KRTCAP3: variants seen among roughly 807,000 people sequenced by gnomAD.
The protein encoded by KRTCAP3 is keratinocyte-associated protein 3.
KRTCAP3 carries 18 observed loss-of-function variants against 20.5 expected under a neutral mutation model. The ratio of observed to expected loss-of-function variants is 0.88; its 90% confidence interval spans 0.61 to 1.31. KRTCAP3 has a LOEUF of 1.31. KRTCAP3 is among the 50% of genes most tolerant of loss of function. The pLI is 0.00. For missense variants in KRTCAP3, 347 were observed against 310.4 expected (o/e 1.12, Z -0.89); for synonymous variants, 167 against 133.7 (o/e 1.25, Z -1.72).
downstream of KRTCAP3, chr2:27,444,341 G>C: frequency 1.3e-6 from 1 of 789,122 alleles, no homozygotes; most frequent in Non-Finnish European, 2.1e-6. Context: ...GTGTGGTGTT[G>C]GGAATGACTT....
rs1450551924 is a variant in KRTCAP3, at chr2:27,442,429, T to A, written c.17T>A (p.Leu6His). The change falls in exon 1 of 7, where the codon CTC becomes CAC. Residue 6 changes from leucine to histidine, a missense_variant. Leu to His is a moderately conservative substitution (Grantham distance 99). Coordinates refer to ENST00000288873, the MANE Select transcript of KRTCAP3 (RefSeq NM_173853.4). Reference protein sequence around the residue: MRRCSLCAFDAARGPR... With the variant: MRRCSHCAFDAARGPR... Reference sequence around the variant, plus strand: ...GCGGACGGGATGAGGCGCTGCAGTCTCTGCGCTTTCGGTAACTTCCGGGCC... The same window carrying A: ...GCGGACGGGATGAGGCGCTGCAGTCACTGCGCTTTCGGTAACTTCCGGGCC... 1 of 1,569,132 alleles carries A rather than the reference T, an allele frequency of 6.4e-7. No homozygotes were observed. Among genetic ancestry groups the A allele is most frequent in the Admixed American group, 1.9e-5 (1 of 53,232 alleles).
At chr2:27,445,601 C>T (rs1572708816), downstream of KRTCAP3, 4 of 1,300,014 alleles carry the variant, frequency 3.1e-6, no homozygotes, top group East Asian at 9.7e-5. This position sits in a 1 kb window ranked among gnomAD's most constrained non-coding sequence, Gnocchi z 4.4. Context: ...CAGTCACAGC[C>T]TTTTCTTTCT....
downstream of KRTCAP3, chr2:27,444,579 G>C: frequency 1.5e-6 from 2 of 1,365,052 alleles, no homozygotes; most frequent in East Asian, 2.3e-5. Flanking sequence ...TACAAAATCA[G>C]CTCCATCGCA....
downstream of KRTCAP3, chr2:27,445,907 G>A (rs1341868137): frequency 1.9e-6 from 3 of 1,614,156 alleles, no homozygotes; most frequent in East Asian, 4.5e-5. The surrounding 1 kb of genome is among the most constrained non-coding windows in gnomAD (Gnocchi z 4.4). Flanking sequence ...CTCCACCCTC[G>A]GGGCACAGCT....
downstream of KRTCAP3, chr2:27,445,532 C>G: frequency 6.8e-7 from 1 of 1,468,062 alleles, no homozygotes; most frequent in Non-Finnish European, 9.2e-7. This position sits in a 1 kb window ranked among gnomAD's most constrained non-coding sequence, Gnocchi z 4.4. Context: ...AGGGGGTTTG[C>G]TAAGCCCTCA....
At position 27,442,727 on chromosome 2, in the gene KRTCAP3, C is replaced by T. The variant is rs768503534; in HGVS notation, c.177C>T (p.Thr59=). The change falls in exon 2 of 7, where the codon ACC becomes ACT. Residue 59 remains threonine (T), a synonymous_variant. Coordinates refer to ENST00000288873, the MANE Select transcript of KRTCAP3 (RefSeq NM_173853.4). ...NPRGAVTPEY[T]VANVISVGSG... ...GCGGCGCTGTCACGCCGGAGTACAC[C>T]GTAGCCAATGTCATCTCTGTCGGCT... 4 of 1,605,474 alleles carry T rather than the reference C, an allele frequency of 2.5e-6. No homozygotes were observed. The highest frequency in any genetic ancestry group is 3.4e-6 in the Non-Finnish European group (4 of 1,175,462).
chr2:27,444,412 C>T (rs746100848), downstream of KRTCAP3: 3 of 1,543,938 alleles, frequency 1.9e-6, no homozygotes, highest in African/African-American at 2.7e-5. Flanking sequence ...GAGGCCCTAA[C>T]TCTTCCTCAG....
downstream of KRTCAP3, chr2:27,446,119 A>G (rs1665069783): frequency 2.2e-6 from 3 of 1,380,526 alleles, no homozygotes; most frequent in South Asian, 2.4e-5. Flanking sequence ...AGGGAGAAAA[A>G]TCCAGGAAGA....
intron 1 of KRTCAP3, 25 bp from the exon 2 acceptor site, chr2:27,442,554 C>T (rs753436578): frequency 7.7e-5 from 118 of 1,529,814 alleles, no homozygotes; most frequent in Non-Finnish European, 9.7e-5. Context: ...CCCGACTCAA[C>T]CCTGCCCTCC....
In KRTCAP3 at chr2:27,442,878, A is replaced by G. The variant is rs755164432; in HGVS notation, c.250A>G (p.Arg84Gly). The G allele has an allele frequency of 3.7e-6, 6 of 1,612,994 alleles. No homozygotes were observed. Among genetic ancestry groups the G allele is most frequent in the South Asian group, 3.3e-5 (3 of 91,088 alleles). Residue 84 changes from arginine to glycine, a missense_variant, in exon 3 of 7, where the codon AGG becomes GGG. Transcript: ENST00000288873. ...GGGACTTGTGGCCCTCCTGGCGTCC[A>G]GGAACCTTCTTCGCCCTCCACTGGT... Reference protein sequence around the residue: ...SVGLVALLASRNLLRPPLHWV... With the variant: ...SVGLVALLASGNLLRPPLHWV...
downstream of KRTCAP3, chr2:27,444,960 TC>T (rs1412644625): frequency 2.5e-6 from 4 of 1,580,516 alleles, no homozygotes; most frequent in African/African-American, 2.7e-5. Flanking sequence ...TGTTTTTTTT[TC>T]TTTTTTTAGT....
At chr2:27,445,788 T>G, downstream of KRTCAP3, 4 of 1,614,144 alleles carry the variant, frequency 2.5e-6, no homozygotes, top group Non-Finnish European at 3.4e-6. This position sits in a 1 kb window ranked among gnomAD's most constrained non-coding sequence, Gnocchi z 4.4. Context: ...AAAGGGAATG[T>G]CTGTATCCTG....
Position 27,444,037 on chromosome 2 carries a change from C to T in KRTCAP3, c.704C>T (p.Ser235Leu). 1.2e-6 allele frequency: 2 copies of T among 1,612,984 alleles called. No homozygotes were observed. Among genetic ancestry groups the T allele is most frequent in the Non-Finnish European group, 1.7e-6 (2 of 1,178,926 alleles). ...GATCAAAATCAAGAAATCCGGGCATCACAGAGAAGTTGGGTTTAGGACAGG... is the reference window on the plus strand; with the variant it reads ...GATCAAAATCAAGAAATCCGGGCATTACAGAGAAGTTGGGTTTAGGACAGG... ...LLDQNQEIRA[S>L]QRSWV Residue 235 changes from serine to leucine, a missense_variant, in exon 6 of 7, where the codon TCA becomes TTA. By Grantham distance (145) the Ser-to-Leu change is moderately radical (BLOSUM62 -2). Transcript: ENST00000288873.
chr2:27,442,527 C>T (rs1641358290), intron 1 of KRTCAP3, 52 bp from the exon 2 acceptor site: 4 of 1,534,168 alleles, frequency 2.6e-6, no homozygotes, highest in South Asian at 1.2e-5. Flanking sequence ...CGCCGCGAGC[C>T]GCCTCTCCCC....
At chr2:27,443,030 T>C (rs1664714297) in intron 3 of KRTCAP3, 44 bp from the exon 4 acceptor site, 3 of 1,583,076 alleles carry the variant, frequency 1.9e-6, no homozygotes, top group Non-Finnish European at 2.6e-6. Flanking sequence ...CTGGGAGAGT[T>C]AGCCAGGCCC....
chr2:27,446,154 AC>A (rs1381137499), downstream of KRTCAP3: 5 of 1,327,878 alleles, frequency 3.8e-6, no homozygotes, highest in Non-Finnish European at 5.4e-6. Context: ...ATCCTCCGTA[AC>A]ATCAGCCCTA....
At position 27,443,866 on chromosome 2, in the gene KRTCAP3, G is replaced by T. The variant is rs531194333; in HGVS notation, c.616-83G>T. ...ACTCCAGCCTGGGCAACAGAGTGAG[G>T]CTCCGTCACAAAAAACAAAACAAAA... On this transcript the variant is annotated intron_variant, in intron 5 of 6. Transcript: ENST00000288873. The T allele has an allele frequency of 7.5e-5, 62 of 827,112 alleles. 1 individual carries two copies. The highest frequency in any genetic ancestry group is 1.2e-4 in the Non-Finnish European group (58 of 476,794). The allele number at this position is 827,112 out of a possible 1,614,324, so 51.2% of individuals were successfully genotyped here.
chr2:27,446,334 A>G (rs756728624), downstream of KRTCAP3: 2 of 1,614,264 alleles, frequency 1.2e-6, no homozygotes, highest in South Asian at 1.1e-5. Flanking sequence ...AGTGAAACAG[A>G]AAGCCTGGCA....
chr2:27,445,287 C>T, downstream of KRTCAP3: 1 of 1,609,434 alleles, frequency 6.2e-7, no homozygotes, highest in Non-Finnish European at 8.5e-7. The surrounding 1 kb of genome is among the most constrained non-coding windows in gnomAD (Gnocchi z 4.4). Context: ...GTGCTGTAGG[C>T]TTCTATACCT....
Sources: gnomAD v4.1 joint callset for allele counts on GRCh38, gnomAD v4.1.1 for gene constraint, Gnocchi (gnomAD v3.1) non-coding constraint, MANE v1.5 for transcripts, NCBI Gene and HGNC (gene_info 2026-07-23, HGNC 2026-07-21) for gene names.